Variants in IL1RAPL2 observed in about 807,000 individuals in gnomAD.
IL1RAPL2 encodes the protein interleukin 1 receptor accessory protein like 2.
Under a neutral mutation model 44.1 loss-of-function variants are expected in IL1RAPL2, and 3 were observed. The ratio of observed to expected loss-of-function variants is 0.07; its 90% CI spans 0.03 to 0.18. IL1RAPL2 has a LOEUF of 0.18. IL1RAPL2 is among the 10% of genes least tolerant of loss of function. The probability of loss-of-function intolerance (pLI) is 1.00; values close to 1 mark genes in which losing one functional copy is unlikely to be tolerated. For synonymous variants in IL1RAPL2, 181 were observed against 178.8 expected (o/e 1.01, Z -0.10); for missense variants, 391 against 496.4 (o/e 0.79, Z 2.02).
chrX:104,888,875 C>A (rs1317404255), intron 2 of IL1RAPL2, among the ~76,000 whole-genome samples: 1 of 111,788 alleles, frequency 8.9e-6, no homozygotes, highest in African/African-American at 3.3e-5. Flanking sequence ...CCAACTTTTA[C>A]ATTCTTACAT....
intron 6 of IL1RAPL2, among the ~76,000 whole-genome samples, chrX:105,658,529 C>T (rs1156520304): frequency 8.9e-6 from 1 of 111,766 alleles, no homozygotes; most frequent in African/African-American, 3.3e-5. Context: ...CCACAAGCAT[C>T]AAGAACCCCC....
intron 2 of IL1RAPL2, among the ~76,000 whole-genome samples, chrX:104,832,538 T>C (rs1214629122): frequency 9.0e-6 from 1 of 111,657 alleles, no homozygotes; most frequent in South Asian, 3.7e-4. Context: ...ATATGATGTA[T>C]AGAATGGACA....
intron 1 of IL1RAPL2, among the ~76,000 whole-genome samples, chrX:104,602,537 C>T (rs957482595): frequency 1.8e-5 from 2 of 111,625 alleles, no homozygotes; most frequent in African/African-American, 6.5e-5. Context: ...TCTGACTCGG[C>T]GGGTCCCACC....
intron 1 of IL1RAPL2, among the ~76,000 whole-genome samples, chrX:104,631,296 CAT>C (rs1183260751): frequency 8.9e-6 from 1 of 111,817 alleles, no homozygotes; most frequent in Admixed American, 9.5e-5. Flanking sequence ...CCAAAATAAA[CAT>C]ATGTGTGCAT....
intron 6 of IL1RAPL2, among the ~76,000 whole-genome samples, chrX:105,661,623 T>C (rs2037720950): frequency 8.9e-6 from 1 of 112,053 alleles, no homozygotes; most frequent in Non-Finnish European, 1.9e-5. Context: ...ACAAGAGGAA[T>C]TTGGGGAACT....
rs1347844365 is a variant in IL1RAPL2, at chrX:105,243,740, C to T, written c.543+9736C>T. Among the ~76,000 whole-genome samples the T allele has an allele frequency of 2.8e-5, 3 of 108,943 alleles. No individual in the cohort carries two copies. In the East Asian group the frequency reaches 8.7e-4, roughly 31 times the overall value. The allele number at this position is 108,943 out of a possible 115,157, so 94.6% of individuals were successfully genotyped here. Reference sequence around the variant, plus strand: ...ACTGAGTTCAGGGTAATGGGTGGAGCCCACTAAAGAATAGGGCCAACAAAG... The same window carrying T: ...ACTGAGTTCAGGGTAATGGGTGGAGTCCACTAAAGAATAGGGCCAACAAAG... On this transcript the variant is annotated intron_variant, in intron 4 of 10. Coordinates refer to ENST00000372582, the MANE Select transcript of IL1RAPL2 (RefSeq NM_017416.2).
intron 2 of IL1RAPL2, among the ~76,000 whole-genome samples, chrX:104,832,086 A>G (rs921063783): frequency 2.7e-5 from 3 of 111,125 alleles, no homozygotes; most frequent in Non-Finnish European, 3.8e-5. Context: ...AAATTTCTAT[A>G]TCATGCATTA....
At position 105,721,280 on chromosome X, in the gene IL1RAPL2, G is replaced by A. The variant is rs778422297; in HGVS notation, c.902+3784G>A. Among the ~76,000 whole-genome samples, 56 of 110,333 alleles carry A rather than the reference G, an allele frequency of 5.1e-4. 1 individual carries two copies. Among genetic ancestry groups the A allele is most frequent in the Non-Finnish European group, 1.3e-4 (7 of 52,856 alleles). On this transcript the variant is annotated intron_variant, in intron 7 of 10. Transcript: ENST00000372582. The stretch of plus-strand genomic sequence containing the variant: ...AAAATACAAAAATTAGCTGGGCATG[G>A]TGGCAGGCACCTGTAATCCCAGCTA...
chrX:105,493,430 T>A (rs1354957898), intron 6 of IL1RAPL2, among the ~76,000 whole-genome samples: 1 of 112,051 alleles, frequency 8.9e-6, no homozygotes, highest in African/African-American at 3.2e-5. Flanking sequence ...GCACTTGTTA[T>A]TTTTTTATTT....
At chrX:105,766,937 C>T in intron 10 of IL1RAPL2, 27 bp from the exon 11 acceptor site, 1 of 1,091,290 alleles carries the variant, frequency 9.2e-7, no homozygotes, top group South Asian at 2.0e-5. Flanking sequence ...CTTTGTTTTA[C>T]TCTTTCTCTC....
At chrX:104,582,652 CTTTCT>C (rs1928398775) in intron 1 of IL1RAPL2, among the ~76,000 whole-genome samples, 1 of 56,124 alleles carries the variant, frequency 1.8e-5, no homozygotes, top group African/African-American at 6.9e-5. Context: ...CTCTTTCTTT[CTTTCT>C]TTTTTTTCTT....
intron 2 of IL1RAPL2, among the ~76,000 whole-genome samples, chrX:105,146,465 T>G (rs1472374000): frequency 8.9e-6 from 1 of 111,896 alleles, no homozygotes; most frequent in Non-Finnish European, 1.9e-5. Flanking sequence ...CAAATTTTCT[T>G]ATATGGCTAA....
intron 5 of IL1RAPL2, among the ~76,000 whole-genome samples, chrX:105,410,568 C>T (rs955391945): frequency 4.5e-5 from 5 of 110,644 alleles, no homozygotes; most frequent in African/African-American, 1.6e-4. Context: ...ATTTCCCCTC[C>T]TGGGATAGGC....
chrX:105,074,534 G>A (rs1225851032), intron 2 of IL1RAPL2, among the ~76,000 whole-genome samples: 1 of 109,675 alleles, frequency 9.1e-6, no homozygotes, highest in Non-Finnish European at 1.9e-5. Context: ...GCTCTTTTTT[G>A]GTTCCATATG....
At chrX:105,743,465 C>T (rs1198172856) in intron 8 of IL1RAPL2, among the ~76,000 whole-genome samples, 1 of 111,502 alleles carries the variant, frequency 9.0e-6, no homozygotes, top group African/African-American at 3.3e-5. Flanking sequence ...CCAGCTGTCT[C>T]CATGACTCCC....
At chrX:104,969,608 A>T (rs1401873612) in intron 2 of IL1RAPL2, among the ~76,000 whole-genome samples, 1 of 111,815 alleles carries the variant, frequency 8.9e-6, no homozygotes. Flanking sequence ...TGCAAGGCAT[A>T]AAATTAATAA....
rs141213373 is a variant in IL1RAPL2 at position 105,684,209 on chromosome X, G to T, written c.773-33158G>T. 8.2e-4 allele frequency among the ~76,000 whole-genome samples: 92 copies of T among 112,207 alleles called. 1 individual carries two copies. The highest frequency in any genetic ancestry group is 1.2e-3 in the Non-Finnish European group (66 of 53,241). On this transcript the variant is annotated intron_variant, in intron 6 of 10. Coordinates refer to ENST00000372582, the MANE Select transcript of IL1RAPL2 (RefSeq NM_017416.2). The stretch of plus-strand genomic sequence containing the variant: ...ACAGTGGGTGCAGCCTACAGAGGGC[G>T]AGCTGAAGCAGGGCGGGGCGTCGCC...
At chrX:104,617,853 C>T (rs753645584) in intron 1 of IL1RAPL2, among the ~76,000 whole-genome samples, 1 of 111,419 alleles carries the variant, frequency 9.0e-6, no homozygotes, top group African/African-American at 3.3e-5. Flanking sequence ...TCTGAGTTTC[C>T]ACTTTGGTTA....
intron 6 of IL1RAPL2, among the ~76,000 whole-genome samples, chrX:105,565,229 A>G (rs913643829): frequency 1.8e-5 from 2 of 111,782 alleles, no homozygotes; most frequent in Admixed American, 1.9e-4. Context: ...TCTCTAGACC[A>G]TAGAAATCAT....
Sources: gnomAD v4.1 joint callset for allele counts (sites outside exome capture counted in the v4.1 genomes callset) on GRCh38, gnomAD v4.1.1 for gene constraint, MANE v1.5 for transcripts, NCBI Gene and HGNC (gene_info 2026-07-23, HGNC 2026-07-21) for gene names.